ROBO1: variants seen among roughly 807,000 people sequenced by gnomAD.
The protein encoded by ROBO1 is roundabout homolog 1.
A neutral mutation model predicts 195.9 loss-of-function variants in ROBO1; 149 were observed. The ratio of observed to expected loss-of-function variants is 0.76; its 90% confidence interval spans 0.67 to 0.87. The LOEUF (loss-of-function observed/expected upper bound fraction) is 0.87, where lower values mean the gene tolerates loss of function less well. ROBO1 is among the 40% of genes least tolerant of loss of function. ROBO1 has a pLI of 0.00. For missense variants in ROBO1, 1,933 were observed against 2,068.3 expected, an observed-to-expected ratio of 0.93 and a Z score of 1.27; for synonymous variants, 816 against 733.2, an observed-to-expected ratio of 1.11 and a Z score of -1.82.
chr3:78,606,610 T>G lies in ROBO1; in HGVS notation c.4744+123A>C, dbSNP rs544803075. 1.4e-4 allele frequency: 120 copies of G among 880,350 alleles called. No individual in the cohort carries two copies. The South Asian group carries it at 1.9e-3, about 14-fold the overall frequency. 54.5% of individuals were successfully genotyped at this position (880,350 alleles called of 1,614,324 possible). A position where few individuals can be genotyped will look rare whatever the true frequency, so the allele number is the denominator to read the frequency against. On this transcript the variant is annotated intron_variant, in intron 29 of 30. Transcript: ENST00000464233. Reference sequence around the variant, plus strand: ...TTAAAATTATTCGAGTACATGCCTATCTCCTCCACTGGAGAGCAAACTTCT... The same window carrying G: ...TTAAAATTATTCGAGTACATGCCTAGCTCCTCCACTGGAGAGCAAACTTCT...
At chr3:78,929,366 C>T (rs527387351) in intron 4 of ROBO1, among the ~76,000 whole-genome samples, 2 of 152,158 alleles carry the variant, frequency 1.3e-5, no homozygotes, top group South Asian at 2.1e-4. Flanking sequence ...CCCTACCAGA[C>T]AGAAAAAGAG....
intron 4 of ROBO1, among the ~76,000 whole-genome samples, chr3:78,884,505 C>T (rs751351503): frequency 6.6e-6 from 1 of 150,620 alleles, no homozygotes; most frequent in Non-Finnish European, 1.5e-5. Flanking sequence ...GTCATCCCAG[C>T]TACTCAGGGA....
chr3:78,615,371 C>T (rs1237323656), intron 27 of ROBO1, among the ~76,000 whole-genome samples: 1 of 152,146 alleles, frequency 6.6e-6, no homozygotes, highest in Non-Finnish European at 1.5e-5. Flanking sequence ...ACTTACATCT[C>T]TTTTCTATCT....
intron 4 of ROBO1, among the ~76,000 whole-genome samples, chr3:78,824,531 G>A (rs556712729): frequency 1.3e-5 from 2 of 152,230 alleles, no homozygotes; most frequent in East Asian, 3.9e-4. Flanking sequence ...ACTATTCGGA[G>A]CTGCAGTTTA....
intron 1 of ROBO1, among the ~76,000 whole-genome samples, chr3:79,601,977 T>C (rs538213192): frequency 4.3e-4 from 66 of 152,116 alleles, no homozygotes; most frequent in African/African-American, 1.5e-3. Flanking sequence ...TTTATAGCTA[T>C]TCGTATTACA....
At chr3:79,632,542 G>C (rs1945376014) in intron 1 of ROBO1, among the ~76,000 whole-genome samples, 1 of 151,958 alleles carries the variant, frequency 6.6e-6, no homozygotes, top group Non-Finnish European at 1.5e-5. Context: ...ACAATTCAGG[G>C]GACAGGCACA....
intron 2 of ROBO1, among the ~76,000 whole-genome samples, chr3:79,166,560 C>CTTTTT (rs968334923): frequency 0.02 from 2,728 of 135,008 alleles, 94 homozygotes; most frequent in African/African-American, 0.07. Context: ...TTCTATTTTT[C>CTTTTT]TTTTTTTTTT....
At chr3:79,282,169 A>G (rs941112687) in intron 2 of ROBO1, among the ~76,000 whole-genome samples, 2 of 152,218 alleles carry the variant, frequency 1.3e-5, no homozygotes, top group African/African-American at 4.8e-5. Flanking sequence ...CATTTAGACC[A>G]ACATAGTTAT....
At chr3:78,940,872 A>G (rs905838153) in intron 3 of ROBO1, among the ~76,000 whole-genome samples, 5 of 152,228 alleles carry the variant, frequency 3.3e-5, no homozygotes, top group African/African-American at 1.2e-4. Flanking sequence ...CCATGTGTTG[A>G]ATAAATGACA....
intron 2 of ROBO1, among the ~76,000 whole-genome samples, chr3:79,420,280 C>T (rs575632715): frequency 6.6e-5 from 10 of 152,142 alleles, no homozygotes; most frequent in African/African-American, 2.4e-4. Context: ...AAAAAGAATG[C>T]TTTATTCAAT....
intron 4 of ROBO1, among the ~76,000 whole-genome samples, chr3:78,842,106 C>A (rs1241910104): frequency 6.9e-6 from 1 of 145,718 alleles, no homozygotes; most frequent in Non-Finnish European, 1.5e-5. Flanking sequence ...AGGCCATCTG[C>A]AGATAAAATG....
At position 79,489,920 on chromosome 3, in the gene ROBO1, A is replaced by G. The variant is rs545241924; in HGVS notation, c.88+99904T>C. ...AAGATTTCATATAATATGTATTTCA[A>G]AGGAACTATTCACACACTAATGAAG... On this transcript the variant is annotated intron_variant, in intron 2 of 30. Coordinates refer to ENST00000464233, the MANE Select transcript of ROBO1 (RefSeq NM_002941.4). 2.0e-5 allele frequency among the ~76,000 whole-genome samples: 3 copies of G among 152,278 alleles called. No individual in the cohort carries two copies. The South Asian group carries it at 6.2e-4, about 32-fold the overall frequency.
chr3:79,680,367 C>A (rs1946908355), intron 1 of ROBO1, among the ~76,000 whole-genome samples: 2 of 151,878 alleles, frequency 1.3e-5, no homozygotes, highest in African/African-American at 4.8e-5. Context: ...GGAAGAATGT[C>A]AAAGAACAAA....
intron 1 of ROBO1, among the ~76,000 whole-genome samples, chr3:79,755,751 T>C (rs914997150): frequency 1.3e-5 from 2 of 152,180 alleles, no homozygotes; most frequent in Non-Finnish European, 2.9e-5. Flanking sequence ...GAACCTTCCT[T>C]GTACATATCC....
Position 78,607,008 on chromosome 3 carries a change from A to T in ROBO1, c.4469T>A (p.Ile1490Lys), listed in dbSNP as rs1384003152. ...CTTGGATTGGGCAGTAGGTGACTTTATAGCAGGTGGCGGCACAGGAGGTGG... is the reference window on the plus strand; with the variant it reads ...CTTGGATTGGGCAGTAGGTGACTTTTTAGCAGGTGGCGGCACAGGAGGTGG... Reference protein sequence around the residue: ...LPPPPVPPPAIKSPTAQSKTQ... With the variant: ...LPPPPVPPPAKKSPTAQSKTQ... The change falls in exon 29 of 31, where the codon ATA (isoleucine) becomes AAA (lysine). Residue 1490 changes from isoleucine to lysine, a missense_variant. Physicochemically the swap from Ile to Lys is moderately radical, Grantham distance 102 (BLOSUM62 -3). Coordinates refer to ENST00000464233, the MANE Select transcript of ROBO1 (RefSeq NM_002941.4). 6.2e-7 allele frequency: 1 copy of T among 1,612,592 alleles called. No individual in the cohort carries two copies. Among genetic ancestry groups the T allele is most frequent in the African/African-American group, 1.3e-5 (1 of 74,876 alleles).
At chr3:79,429,577 G>GGC (rs1253050727) in intron 2 of ROBO1, among the ~76,000 whole-genome samples, 1 of 152,116 alleles carries the variant, frequency 6.6e-6, no homozygotes, top group East Asian at 1.9e-4. Flanking sequence ...CAAACAACCT[G>GGC]ATTAACTGGC....
chr3:79,245,590 T>TA (rs758915518), intron 2 of ROBO1, among the ~76,000 whole-genome samples: 71 of 150,090 alleles, frequency 4.7e-4, no homozygotes, highest in African/African-American at 1.5e-3. Context: ...AAAACGCAGT[T>TA]AAAAAAAAAT....
chr3:78,879,042 C>T (rs1197791575), intron 4 of ROBO1, among the ~76,000 whole-genome samples: 1 of 152,162 alleles, frequency 6.6e-6, no homozygotes, highest in Non-Finnish European at 1.5e-5. Context: ...CACTGTCTTG[C>T]TCCTGCAGTT....
At chr3:78,760,120 C>A (rs2083058248) in intron 4 of ROBO1, among the ~76,000 whole-genome samples, 2 of 152,092 alleles carry the variant, frequency 1.3e-5, no homozygotes, top group African/African-American at 4.8e-5. Context: ...TTGCGCTTGG[C>A]TCTCACTCCT....
Sources: allele counts gnomAD v4.1 joint callset (sites outside exome capture counted in the v4.1 genomes callset), GRCh38; gene constraint gnomAD v4.1.1; transcripts MANE v1.5; gene names NCBI Gene and HGNC (gene_info 2026-07-23, HGNC 2026-07-21).